CYP39A1: variants seen among roughly 807,000 people sequenced by gnomAD.
CYP39A1 encodes the protein 24-hydroxycholesterol 7-alpha-hydroxylase.
CYP39A1 carries 49 observed loss-of-function variants against 58.1 expected under a neutral mutation model. That is an observed-to-expected ratio of 0.84 (90% CI 0.67 to 1.07). The LOEUF is 1.07. CYP39A1 is among the 50% of genes least tolerant of loss of function. The pLI, the probability that CYP39A1 is intolerant of heterozygous loss-of-function variation, is 0.00. For missense variants in CYP39A1, 531 were observed against 539.4 expected (o/e 0.98, Z 0.16); for synonymous variants, 209 against 187.6 (o/e 1.11, Z -0.93).
intron 7 of CYP39A1, among the ~76,000 whole-genome samples, chr6:46,619,042 C>T (rs1310041235): frequency 6.6e-6 from 1 of 152,144 alleles, no homozygotes; most frequent in Non-Finnish European, 1.5e-5. Flanking sequence ...CTAGCTAATG[C>T]TAAACTGTTG....
chr6:46,585,502 T>C (rs766889116), intron 10 of CYP39A1, among the ~76,000 whole-genome samples: 11 of 152,096 alleles, frequency 7.2e-5, no homozygotes, highest in Non-Finnish European at 1.5e-4. Flanking sequence ...AAGAACTGCT[T>C]CTCTAAAGTG....
intron 10 of CYP39A1, among the ~76,000 whole-genome samples, chr6:46,568,542 T>C (rs550899323): frequency 6.6e-6 from 1 of 152,264 alleles, no homozygotes; most frequent in South Asian, 2.1e-4. Flanking sequence ...GTATTTATTT[T>C]ATTTTGAGTT....
In CYP39A1 at chr6:46,652,682, C is replaced by A. The variant is rs1273672220; in HGVS notation, c.-100G>T. On this transcript the variant is annotated 5_prime_UTR_variant, in exon 1 of 12. It adds an upstream start codon to the 5' untranslated region. Coordinates refer to ENST00000275016, the MANE Select transcript of CYP39A1 (RefSeq NM_016593.5). ...TACGGAACCTGTCGGGACTCCCAAC[C>A]TTTCTGCTGCAACTTTTGCAGCTCT... The A allele has an allele frequency of 2.8e-6, 3 of 1,090,704 alleles. No homozygotes were observed. In the East Asian group the frequency reaches 8.1e-5, roughly 29 times the overall value. 67.6% of individuals were successfully genotyped at this position (1,090,704 alleles called of 1,614,324 possible). A position where few individuals can be genotyped will look rare whatever the true frequency, so the allele number is the denominator to read the frequency against.
rs147963299 is a variant in CYP39A1, at chr6:46,587,100, G to A, written c.1227C>T (p.Ser409=). 270 of 1,611,496 alleles carry A rather than the reference G, an allele frequency of 1.7e-4. No homozygotes were observed. The highest frequency in any genetic ancestry group is 1.4e-3 in the Admixed American group (81 of 59,682). ...SFLDCFMAFG[S]GKFQCPARWF... Reference sequence around the variant, plus strand: ...ACCTTGCAGGACACTGGAACTTCCCGCTTCCAAATGCCATGAAGCAGTCCA... The same window carrying A: ...ACCTTGCAGGACACTGGAACTTCCCACTTCCAAATGCCATGAAGCAGTCCA... The change falls in exon 10 of 12, where the codon AGC becomes AGT. Residue 409 remains serine, a synonymous_variant. Transcript: ENST00000275016.
At chr6:46,590,446 G>C (rs1772763349) in intron 8 of CYP39A1, among the ~76,000 whole-genome samples, 1 of 152,090 alleles carries the variant, frequency 6.6e-6, no homozygotes, top group Non-Finnish European at 1.5e-5. Flanking sequence ...AAAGAGAAAG[G>C]AGGAGTCCAG....
chr6:46,589,489 T>C (rs1181983617), intron 8 of CYP39A1, among the ~76,000 whole-genome samples: 11 of 151,940 alleles, frequency 7.2e-5, no homozygotes, highest in Admixed American at 7.2e-4. Flanking sequence ...CTGGTAGCTA[T>C]GAGTGGAGTA....
At chr6:46,648,470 C>T (rs1762465074) in intron 1 of CYP39A1, among the ~76,000 whole-genome samples, 1 of 127,996 alleles carries the variant, frequency 7.8e-6, no homozygotes, top group Admixed American at 1.0e-4. Context: ...AATGAGAACA[C>T]TTGGACACAG....
chr6:46,609,395 C>A (rs1249538623), intron 7 of CYP39A1, among the ~76,000 whole-genome samples: 1 of 141,898 alleles, frequency 7.0e-6, no homozygotes, highest in South Asian at 2.2e-4. Context: ...CCAGCCTGGG[C>A]GACAGCGAGA....
At chr6:46,575,605 C>T (rs1261864664) in intron 10 of CYP39A1, among the ~76,000 whole-genome samples, 1 of 152,232 alleles carries the variant, frequency 6.6e-6, no homozygotes, top group Non-Finnish European at 1.5e-5. Flanking sequence ...CCTGTCCCCA[C>T]CTCACTGGAA....
chr6:46,601,371 C>T (rs1013405945), intron 7 of CYP39A1, among the ~76,000 whole-genome samples: 6 of 152,068 alleles, frequency 3.9e-5, no homozygotes, highest in African/African-American at 1.4e-4. Flanking sequence ...TAAATAAGAC[C>T]AAGTCAGTAC....
At chr6:46,580,312 C>T (rs1090732) in intron 10 of CYP39A1, among the ~76,000 whole-genome samples, 59,820 of 151,992 alleles carry the variant, frequency 0.39, 14,755 homozygotes, top group African/African-American at 0.7. Context: ...ATGCAGAAGA[C>T]TGAAACTGGA....
At chr6:46,604,614 T>C (rs180898948) in intron 7 of CYP39A1, among the ~76,000 whole-genome samples, 71 of 152,352 alleles carry the variant, frequency 4.7e-4, no homozygotes, top group African/African-American at 1.6e-3. Flanking sequence ...TTAACATGTT[T>C]ATTTGAATTG....
chr6:46,557,166 A>G (rs1370738290), intron 10 of CYP39A1, among the ~76,000 whole-genome samples: 1 of 152,096 alleles, frequency 6.6e-6, no homozygotes, highest in Non-Finnish European at 1.5e-5. Context: ...TACACAGAAT[A>G]AAAGCCTATA....
At chr6:46,648,308 T>C (rs1241149706) in intron 1 of CYP39A1, among the ~76,000 whole-genome samples, 4 of 151,912 alleles carry the variant, frequency 2.6e-5, no homozygotes, top group African/African-American at 7.3e-5. Flanking sequence ...GTGGTACATA[T>C]ACACCATGGA....
rs1391799128 is a variant in CYP39A1, at chr6:46,550,418, C to T, written c.1358G>A (p.Gly453Asp). The change falls in exon 12 of 12, where the codon GGT (glycine) becomes GAT (aspartate). Residue 453 changes from glycine to aspartate, a missense_variant. By Grantham distance (94) the Gly-to-Asp change is moderately conservative. Transcript: ENST00000275016. Reference sequence around the variant, plus strand: ...GCATTGCCCTTCCGGCTGGGGGACACCCACCAAATGGAGATAACTCTAAAA... The same window carrying T: ...GCATTGCCCTTCCGGCTGGGGGACATCCACCAAATGGAGATAACTCTAAAA... ...LPKQSYLHLVGVPQPEGQCRI... is the reference protein window; with the variant it reads ...LPKQSYLHLVDVPQPEGQCRI... The T allele has an allele frequency of 1.2e-6, 2 of 1,611,552 alleles. No individual in the cohort carries two copies. The highest frequency in any genetic ancestry group is 3.4e-5 in the Admixed American group (2 of 59,632).
intron 7 of CYP39A1, among the ~76,000 whole-genome samples, chr6:46,607,934 G>C (rs1301407108): frequency 6.6e-6 from 1 of 152,072 alleles, no homozygotes; most frequent in Non-Finnish European, 1.5e-5. Context: ...CATATTCCTA[G>C]AACAGCTTGT....
At chr6:46,565,555 A>T (rs1323408309) in intron 10 of CYP39A1, among the ~76,000 whole-genome samples, 1 of 152,232 alleles carries the variant, frequency 6.6e-6, no homozygotes, top group Non-Finnish European at 1.5e-5. Flanking sequence ...AACACATCAA[A>T]CGAATCTGGT....
chr6:46,591,654 CTT>C (rs1271790661), intron 8 of CYP39A1, among the ~76,000 whole-genome samples: 1 of 151,972 alleles, frequency 6.6e-6, no homozygotes, highest in South Asian at 2.1e-4. Flanking sequence ...GACAAAAACT[CTT>C]TGGGATCTTC....
At chr6:46,592,077 A>C (rs1772870154) in intron 8 of CYP39A1, among the ~76,000 whole-genome samples, 1 of 152,296 alleles carries the variant, frequency 6.6e-6, no homozygotes, top group African/African-American at 2.4e-5. Context: ...CACAGGTAGA[A>C]GTTTCAGAGT....
Sources: gnomAD v4.1 joint callset for allele counts (sites outside exome capture counted in the v4.1 genomes callset) on GRCh38, gnomAD v4.1.1 for gene constraint, MANE v1.5 for transcripts, NCBI Gene and HGNC (gene_info 2026-07-23, HGNC 2026-07-21) for gene names.